The following SF3A3 variants were observed in gnomAD, a reference collection of about 807,000 sequenced individuals.
The protein encoded by SF3A3 is splicing factor 3a subunit 3.
In SF3A3, 9 loss-of-function variants were observed where a neutral mutation model predicts 85.8. That is an observed-to-expected ratio of 0.10 (90% confidence interval 0.06 to 0.18). The LOEUF is 0.18. Ranked by LOEUF, SF3A3 falls within the 10% of genes least tolerant of loss-of-function variation. The probability of loss-of-function intolerance (pLI) is 1.00; values close to 1 mark genes in which losing one functional copy is unlikely to be tolerated. For missense variants in SF3A3, 306 were observed against 593.3 expected (o/e 0.52, Z 5.03); for synonymous variants, 195 against 204.4 (o/e 0.95, Z 0.39).
intron 15 of SF3A3, chr1:37,960,422 C>T: frequency 2.1e-6 from 1 of 475,948 alleles, no homozygotes; most frequent in South Asian, 4.2e-5. Flanking sequence ...CCTCCGAAAA[C>T]AGAGAAACTG....
intron 4 of SF3A3, 34 bp downstream of exon 4, chr1:37,987,539 T>C (rs377517412): frequency 6.0e-5 from 85 of 1,422,838 alleles, no homozygotes; most frequent in Non-Finnish European, 8.1e-5. Context: ...GCTTTAAGGA[T>C]AGGTCTGGAG....
At chr1:37,965,780 C>T (rs961530086) in intron 15 of SF3A3, among the ~76,000 whole-genome samples, 3 of 141,544 alleles carry the variant, frequency 2.1e-5, no homozygotes, top group African/African-American at 8.1e-5. Flanking sequence ...AGCTGAACAG[C>T]CTGCTAAACA....
intron 12 of SF3A3, among the ~76,000 whole-genome samples, chr1:37,973,933 G>A (rs1646360970): frequency 6.6e-6 from 1 of 152,250 alleles, no homozygotes; most frequent in South Asian, 2.1e-4. Flanking sequence ...CCTTTGTAGG[G>A]ACATGGATGA....
intron 9 of SF3A3, 188 bp from the exon 10 acceptor site, chr1:37,979,243 G>T: frequency 1.6e-6 from 1 of 623,948 alleles, no homozygotes; most frequent in Non-Finnish European, 2.9e-6. Context: ...CATACTGATA[G>T]TGTTCCATTT....
At chr1:37,986,984 A>G (rs1448397431) in intron 4 of SF3A3, among the ~76,000 whole-genome samples, 1 of 152,150 alleles carries the variant, frequency 6.6e-6, no homozygotes, top group Non-Finnish European at 1.5e-5. Context: ...AGCAAAGATT[A>G]TTCATCAGAG....
At chr1:37,961,336 G>A (rs1246632644) in intron 15 of SF3A3, among the ~76,000 whole-genome samples, 1 of 152,138 alleles carries the variant, frequency 6.6e-6, no homozygotes, top group Non-Finnish European at 1.5e-5. Context: ...TGTAATCCCA[G>A]CACTTTGGGA....
At chr1:37,962,652 C>G (rs1646270081) in intron 15 of SF3A3, among the ~76,000 whole-genome samples, 1 of 150,138 alleles carries the variant, frequency 6.7e-6, no homozygotes, top group Non-Finnish European at 1.5e-5. Context: ...GACCAATCAC[C>G]TAAATGGCGA....
intron 15 of SF3A3, among the ~76,000 whole-genome samples, chr1:37,961,521 T>C (rs1462938556): frequency 6.7e-6 from 1 of 148,342 alleles, no homozygotes; most frequent in African/African-American, 2.5e-5. Flanking sequence ...GAGGTGGAGG[T>C]TGGGGTGAGC....
At chr1:37,977,039 C>G in intron 11 of SF3A3, 86 bp from the exon 12 acceptor site, 2 of 904,442 alleles carry the variant, frequency 2.2e-6, no homozygotes, top group Non-Finnish European at 3.7e-6. Flanking sequence ...TATTGCACAA[C>G]TGCATTAAAA....
chr1:37,971,313 T>C (rs1009779299), intron 12 of SF3A3, among the ~76,000 whole-genome samples: 4 of 152,272 alleles, frequency 2.6e-5, no homozygotes, highest in African/African-American at 9.6e-5. Flanking sequence ...CAGGAAGAAG[T>C]TGAATCCCTG....
chr1:37,989,696 G>A, intron 1 of SF3A3, 101 bp from the exon 2 acceptor site: 8 of 1,431,894 alleles, frequency 5.6e-6, no homozygotes, highest in Non-Finnish European at 7.7e-6. Flanking sequence ...TACCAGCTGA[G>A]GCAGAAAGGC....
intron 12 of SF3A3, 67 bp downstream of exon 12, chr1:37,976,817 G>C: frequency 1.0e-6 from 1 of 986,516 alleles, no homozygotes; most frequent in Admixed American, 1.8e-5. Flanking sequence ...AGTATCTTCT[G>C]TGAGTTCCTC....
intron 15 of SF3A3, 77 bp downstream of exon 15, chr1:37,967,967 C>G (rs140828864): frequency 1.2e-6 from 1 of 825,984 alleles, no homozygotes; most frequent in Admixed American, 1.8e-5. Context: ...CCTGGATACA[C>G]AGGGTATTAG....
At chr1:37,963,596 G>A (rs1005124386) in intron 15 of SF3A3, among the ~76,000 whole-genome samples, 4 of 150,288 alleles carry the variant, frequency 2.7e-5, no homozygotes, top group African/African-American at 7.3e-5. Flanking sequence ...TCACTCTGTC[G>A]CCCAGGTTGG....
chr1:37,963,773 G>T lies in SF3A3; in HGVS notation c.1373-3598C>A, dbSNP rs186237711. Among the ~76,000 whole-genome samples, 740 of 148,062 alleles carry T rather than the reference G, an allele frequency of 5.0e-3. 10 individuals are homozygous for T. The highest frequency in any genetic ancestry group is 0.018 in the African/African-American group (721 of 40,168). ...GGGTTTCACTGTGTGAGCTAGGATG[G>T]TCTCGATCTCCTGACCTTGTTATCT... On this transcript the variant is annotated intron_variant, in intron 15 of 16. Transcript: ENST00000373019.
chr1:37,967,475 C>A (rs1213822208), intron 15 of SF3A3, among the ~76,000 whole-genome samples: 1 of 151,514 alleles, frequency 6.6e-6, no homozygotes, highest in South Asian at 2.1e-4. Flanking sequence ...GTCAGGAGAT[C>A]AAGACCATCC....
chr1:37,980,469 TCA>T, intron 8 of SF3A3, 115 bp downstream of exon 8: 1 of 1,124,516 alleles, frequency 8.9e-7, no homozygotes, highest in Non-Finnish European at 1.3e-6. Flanking sequence ...TACCTCATTG[TCA>T]CAAGTGATAC....
In SF3A3 at chr1:37,965,532, T is replaced by C. The variant is rs557509203; in HGVS notation, c.1372+2512A>G. 3.3e-5 allele frequency among the ~76,000 whole-genome samples: 5 copies of C among 152,246 alleles called. No individual in the cohort carries two copies. In the South Asian group the frequency reaches 6.2e-4, roughly 19 times the overall value. On this transcript the variant is annotated intron_variant, in intron 15 of 16. Coordinates refer to ENST00000373019, the MANE Select transcript of SF3A3 (RefSeq NM_006802.4). ...ACTTTCGGAGGCTGAGACAGGCAGA[T>C]TGCTTGAGTACAGGACTTTAAGACC...
chr1:37,989,829 G>A (rs372872001), intron 1 of SF3A3, 41 bp downstream of exon 1: 17 of 1,490,444 alleles, frequency 1.1e-5, no homozygotes, highest in African/African-American at 2.8e-5. Flanking sequence ...CGGGATAGAG[G>A]CTCGTGCTCC....
Sources: gnomAD v4.1 joint callset for allele counts (sites outside exome capture counted in the v4.1 genomes callset) on GRCh38, gnomAD v4.1.1 for gene constraint, MANE v1.5 for transcripts, NCBI Gene and HGNC (gene_info 2026-07-23, HGNC 2026-07-21) for gene names.